The following YPEL2 variants were observed in gnomAD, a reference collection of about 807,000 sequenced individuals.
YPEL2 encodes yippee like 2, also known as protein yippee-like 2.
A neutral mutation model predicts 19.1 loss-of-function variants in YPEL2; 2 were observed. That is an observed-to-expected ratio of 0.10 (90% CI 0.04 to 0.33). The LOEUF (loss-of-function observed/expected upper bound fraction) is 0.33, where lower values mean the gene tolerates loss of function less well. Ranked by LOEUF, YPEL2 falls within the 10% of genes least tolerant of loss-of-function variation. YPEL2 has a pLI of 1.00. For synonymous variants in YPEL2, 52 were observed against 50.0 expected, an observed-to-expected ratio of 1.04 and a Z score of -0.17; for missense variants, 66 against 140.7, an observed-to-expected ratio of 0.47 and a Z score of 2.68.
At chr17:59,394,521 C>G (rs1364285895) in intron 4 of YPEL2, among the ~76,000 whole-genome samples, 1 of 148,334 alleles carries the variant, frequency 6.7e-6, no homozygotes, top group South Asian at 2.2e-4. Flanking sequence ...TCCTCACATC[C>G]CAGACGATGG....
At chr17:59,364,704 A>G (rs1403924729) in intron 2 of YPEL2, among the ~76,000 whole-genome samples, 2 of 138,756 alleles carry the variant, frequency 1.4e-5, no homozygotes, top group Non-Finnish European at 3.0e-5. Context: ...TGCAACCTCC[A>G]CCTCCCGAGT....
At position 59,400,930 on chromosome 17, in the gene YPEL2, G is replaced by C. The variant is rs2048067983; in HGVS notation, c.*3740G>C. On this transcript the variant is annotated 3_prime_UTR_variant, in exon 5 of 5. Transcript: ENST00000312655. The stretch of plus-strand genomic sequence containing the variant: ...TTGTTTTGAGTATGGAGCTGTTGCG[G>C]GTTTGCTCCTTTTTCTTGCTTTGCG... 1 of 152,568 alleles carries C rather than the reference G, an allele frequency of 6.6e-6. No homozygotes were observed. Among genetic ancestry groups the C allele is most frequent in the Non-Finnish European group, 1.5e-5 (1 of 68,034 alleles). 9.5% of individuals were successfully genotyped at this position (152,568 alleles called of 1,614,324 possible).
At chr17:59,344,215 G>A (rs2047745161) in intron 1 of YPEL2, among the ~76,000 whole-genome samples, 1 of 152,072 alleles carries the variant, frequency 6.6e-6, no homozygotes, top group South Asian at 2.1e-4. Flanking sequence ...TTTATAAAGG[G>A]GTCAAGGGTT....
At chr17:59,336,596 T>C (rs1318037095) in intron 1 of YPEL2, among the ~76,000 whole-genome samples, 1 of 152,208 alleles carries the variant, frequency 6.6e-6, no homozygotes, top group Admixed American at 6.5e-5. Flanking sequence ...CACACGGGAC[T>C]GATGGGAGGA....
At chr17:59,396,075 C>T (rs745323666) in intron 4 of YPEL2, among the ~76,000 whole-genome samples, 5 of 152,026 alleles carry the variant, frequency 3.3e-5, no homozygotes, top group South Asian at 2.1e-4. Context: ...AGCAAGACTC[C>T]GTCTCAAAAT....
intron 2 of YPEL2, 67 bp from the exon 3 acceptor site, chr17:59,388,260 G>A (rs568742823): frequency 6.7e-7 from 1 of 1,496,020 alleles, no homozygotes; most frequent in South Asian, 1.1e-5. Context: ...ACTGTGATTG[G>A]GGTTGGTTTC....
chr17:59,371,531 C>G (rs2047897488), intron 2 of YPEL2, among the ~76,000 whole-genome samples: 1 of 152,142 alleles, frequency 6.6e-6, no homozygotes, highest in Admixed American at 6.5e-5. Flanking sequence ...CTGGAGAATG[C>G]AGGGGCTGCC....
At chr17:59,388,254 T>C (rs1598052122) in intron 2 of YPEL2, 73 bp from the exon 3 acceptor site, 1 of 1,456,110 alleles carries the variant, frequency 6.9e-7, no homozygotes, top group East Asian at 2.3e-5. Context: ...TGCTTAACTG[T>C]GATTGGGGTT....
At chr17:59,367,445 G>C (rs1366234869) in intron 2 of YPEL2, among the ~76,000 whole-genome samples, 1 of 152,178 alleles carries the variant, frequency 6.6e-6, no homozygotes, top group Admixed American at 6.5e-5. Flanking sequence ...TTTACGCTTT[G>C]CTGGACATAG....
At chr17:59,366,401 A>G (rs1165753712) in intron 2 of YPEL2, among the ~76,000 whole-genome samples, 3 of 152,102 alleles carry the variant, frequency 2.0e-5, no homozygotes, top group African/African-American at 7.2e-5. Context: ...CCTGGCCCCT[A>G]AGGTTATCCG....
chr17:59,394,249 C>G (rs1193125831), intron 4 of YPEL2, among the ~76,000 whole-genome samples: 2 of 151,976 alleles, frequency 1.3e-5, no homozygotes, highest in African/African-American at 4.8e-5. Flanking sequence ...CTCCTCACTT[C>G]CCACACGGGG....
rs749150955 is a variant in YPEL2, at chr17:59,353,676, A to G, written c.117+150A>G. ...CACGTGACCGTCTCACTCAACTGAG[A>G]AAAACTCTGAGTTGGAGGGACAGAG... is the stretch of plus-strand genomic sequence containing the variant. On this transcript the variant is annotated intron_variant, in intron 2 of 4. Transcript: ENST00000312655. This position sits in a 1 kb window ranked among gnomAD's most constrained non-coding sequence, Gnocchi z 4.8. 4 of 712,666 alleles carry G rather than the reference A, an allele frequency of 5.6e-6. No individual in the cohort carries two copies. The highest frequency in any genetic ancestry group is 1.0e-5 in the Non-Finnish European group (4 of 390,882). 44.1% of individuals were successfully genotyped at this position (712,666 alleles called of 1,614,324 possible).
intron 4 of YPEL2, among the ~76,000 whole-genome samples, chr17:59,395,270 C>G (rs550726530): frequency 3.3e-5 from 5 of 152,222 alleles, no homozygotes; most frequent in East Asian, 3.9e-4. Flanking sequence ...CATTGCTGCT[C>G]TGGTGTGCCT....
In YPEL2 at chr17:59,353,659, C is replaced by T. The variant is rs765486858; in HGVS notation, c.117+133C>T. On this transcript the variant is annotated intron_variant, in intron 2 of 4. Transcript: ENST00000312655. This position sits in a 1 kb window ranked among gnomAD's most constrained non-coding sequence, Gnocchi z 4.8. Reference sequence around the variant, plus strand: ...TACAGGGAGGGCTGACCCACGTGACCGTCTCACTCAACTGAGAAAAACTCT... The same window carrying T: ...TACAGGGAGGGCTGACCCACGTGACTGTCTCACTCAACTGAGAAAAACTCT... 27 of 748,546 alleles carry T rather than the reference C, an allele frequency of 3.6e-5. No homozygotes were observed. The highest frequency in any genetic ancestry group is 7.8e-5 in the East Asian group (3 of 38,678). The allele number at this position is 748,546 out of a possible 1,614,324, so 46.4% of individuals were successfully genotyped here.
At chr17:59,364,704 A>T (rs1403924729) in intron 2 of YPEL2, among the ~76,000 whole-genome samples, 4 of 138,706 alleles carry the variant, frequency 2.9e-5, no homozygotes, top group African/African-American at 1.1e-4. Context: ...TGCAACCTCC[A>T]CCTCCCGAGT....
intron 2 of YPEL2, among the ~76,000 whole-genome samples, chr17:59,362,270 T>G (rs536500127): frequency 1.2e-4 from 18 of 152,096 alleles, no homozygotes; most frequent in African/African-American, 4.1e-4. Flanking sequence ...CTATGGTTTT[T>G]TTTTTTTTTT....
At chr17:59,341,053 G>A (rs534795065) in intron 1 of YPEL2, among the ~76,000 whole-genome samples, 6 of 149,572 alleles carry the variant, frequency 4.0e-5, no homozygotes, top group Non-Finnish European at 7.4e-5. Flanking sequence ...GGCCGGGCGC[G>A]GTGGCTCATG....
rs2048044654 is a variant in YPEL2, at chr17:59,397,288, T to C, written c.*98T>C. On this transcript the variant is annotated 3_prime_UTR_variant, in exon 5 of 5. Coordinates refer to ENST00000312655, the MANE Select transcript of YPEL2 (RefSeq NM_001005404.4). ...AGTGACTGACACTTGGTTCCATCCA[T>C]TTAGGGGCCTTGCCATCCGGGGCAT... 5.3e-6 allele frequency: 5 copies of C among 935,358 alleles called. No individual in the cohort carries two copies. The highest frequency in any genetic ancestry group is 7.6e-6 in the Non-Finnish European group (5 of 653,688). The allele number at this position is 935,358 out of a possible 1,614,324, so 57.9% of individuals were successfully genotyped here. A position where few individuals can be genotyped will look rare whatever the true frequency, so the allele number is the denominator to read the frequency against.
At position 59,352,705 on chromosome 17, in the gene YPEL2, T is replaced by A. The variant is rs558039843; in HGVS notation, c.-195-510T>A. Among the ~76,000 whole-genome samples the A allele has an allele frequency of 3.3e-5, 5 of 152,292 alleles. No homozygotes were observed. In the South Asian group the frequency reaches 1.0e-3, roughly 32 times the overall value. On this transcript the variant is annotated intron_variant, in intron 1 of 4. Transcript: ENST00000312655. ...CATGCTCAATCTCTAAAGCAAAGGC[T>A]GGGGTGTGGGGTTTGCTGCCTCTGC...
Sources: gnomAD v4.1 joint callset for allele counts (sites outside exome capture counted in the v4.1 genomes callset) on GRCh38, gnomAD v4.1.1 for gene constraint, Gnocchi (gnomAD v3.1) non-coding constraint, MANE v1.5 for transcripts, NCBI Gene and HGNC (gene_info 2026-07-23, HGNC 2026-07-21) for gene names.